SLIT2: variants seen among roughly 807,000 people sequenced by gnomAD.
SLIT2 encodes slit homolog 2 protein.
A neutral mutation model predicts 185.7 loss-of-function variants in SLIT2; 41 were observed. That is an observed-to-expected ratio of 0.22 (90% confidence interval 0.17 to 0.29). SLIT2 has a LOEUF of 0.29. SLIT2 is among the 10% of genes least tolerant of loss of function. The probability of loss-of-function intolerance (pLI) is 1.00; values close to 1 mark genes in which losing one functional copy is unlikely to be tolerated. For missense variants in SLIT2, 1,571 were observed against 1,909.0 expected, an observed-to-expected ratio of 0.82 and a Z score of 3.30; for synonymous variants, 693 against 680.2, an observed-to-expected ratio of 1.02 and a Z score of -0.29.
rs116490680 is a variant in SLIT2 at position 20,561,220 on chromosome 4, C to T, written c.2726-6042C>T. ...ACCTCATTACTTCATTTGTAAAGGCCAGCTGAAGGATCAAAGAAACCTGAA... is the reference window on the plus strand; with the variant it reads ...ACCTCATTACTTCATTTGTAAAGGCTAGCTGAAGGATCAAAGAAACCTGAA... On this transcript the variant is annotated intron_variant, in intron 26 of 36. Coordinates refer to ENST00000504154, the MANE Select transcript of SLIT2 (RefSeq NM_004787.4). Among the ~76,000 whole-genome samples, 1,317 of 151,786 alleles carry T rather than the reference C, an allele frequency of 8.7e-3. 28 individuals carry two copies. The highest frequency in any genetic ancestry group is 0.03 in the African/African-American group (1,229 of 41,382).
chr4:20,577,111 T>G (rs1250532906), intron 29 of SLIT2, among the ~76,000 whole-genome samples: 1 of 152,164 alleles, frequency 6.6e-6, no homozygotes, highest in Admixed American at 6.5e-5. Flanking sequence ...AAAAACTCTT[T>G]GGCTTTGATT....
At chr4:20,302,856 T>C (rs1277232476) in intron 4 of SLIT2, among the ~76,000 whole-genome samples, 1 of 152,204 alleles carries the variant, frequency 6.6e-6, no homozygotes, top group Non-Finnish European at 1.5e-5. Flanking sequence ...CAGTTGTTTG[T>C]ATCTGATTGT....
chr4:20,366,486 TTGCCCAGAAGTAGATGA>T (rs1207767399), intron 4 of SLIT2, among the ~76,000 whole-genome samples: 1 of 152,156 alleles, frequency 6.6e-6, no homozygotes, highest in Non-Finnish European at 1.5e-5. Context: ...TCCATTCTAG[TTGCCCAGAAGTAGATGA>T]GGCAGTGTAT....
At chr4:20,505,645 T>C (rs1017460973) in intron 9 of SLIT2, among the ~76,000 whole-genome samples, 5 of 152,018 alleles carry the variant, frequency 3.3e-5, no homozygotes, top group Non-Finnish European at 7.4e-5. Context: ...AAACCATTAG[T>C]TTATTTTATG....
At chr4:20,565,347 A>G (rs1181156259) in intron 26 of SLIT2, among the ~76,000 whole-genome samples, 1 of 151,980 alleles carries the variant, frequency 6.6e-6, no homozygotes, top group South Asian at 2.1e-4. Context: ...GTTCTGAGTT[A>G]GGTTCTTTCC....
At chr4:20,263,939 A>G (rs1198689666) in intron 3 of SLIT2, among the ~76,000 whole-genome samples, 1 of 151,838 alleles carries the variant, frequency 6.6e-6, no homozygotes, top group East Asian at 1.9e-4. Context: ...ACATTTTTAA[A>G]AAATGTTCTT....
At position 20,439,552 on chromosome 4, in the gene SLIT2, C is replaced by T. The variant is rs144521697; in HGVS notation, c.396-28200C>T. Among the ~76,000 whole-genome samples the T allele has an allele frequency of 1.0e-2, 1,519 of 152,190 alleles. 26 individuals are homozygous for T. The highest frequency in any genetic ancestry group is 0.035 in the African/African-American group (1,454 of 41,504). On this transcript the variant is annotated intron_variant, in intron 4 of 36. Transcript: ENST00000504154. ...GAATTATCCCATTTTATAAGGACAC[C>T]GATAATATCGGATTAAGGCCCACCC...
At chr4:20,338,422 T>C (rs560829570) in intron 4 of SLIT2, among the ~76,000 whole-genome samples, 1 of 152,298 alleles carries the variant, frequency 6.6e-6, no homozygotes, top group South Asian at 2.1e-4. Flanking sequence ...AAATGACGCT[T>C]TGATGTTAGC....
chr4:20,548,031 G>C (rs574249716), intron 22 of SLIT2, among the ~76,000 whole-genome samples: 1 of 152,158 alleles, frequency 6.6e-6, no homozygotes, highest in East Asian at 1.9e-4. Flanking sequence ...GTGAACATAT[G>C]TATCAATGAG....
At chr4:20,364,046 C>T (rs1446786498) in intron 4 of SLIT2, among the ~76,000 whole-genome samples, 1 of 152,046 alleles carries the variant, frequency 6.6e-6, no homozygotes, top group Non-Finnish European at 1.5e-5. Context: ...ATCAGAAAGG[C>T]CATCTACAAT....
chr4:20,323,945 A>G (rs1719321519), intron 4 of SLIT2, among the ~76,000 whole-genome samples: 1 of 152,232 alleles, frequency 6.6e-6, no homozygotes, highest in African/African-American at 2.4e-5. Flanking sequence ...AGTTCATAAC[A>G]TGATCCTGAA....
intron 11 of SLIT2, among the ~76,000 whole-genome samples, chr4:20,511,921 T>C (rs1719792283): frequency 6.6e-6 from 1 of 151,862 alleles, no homozygotes; most frequent in Non-Finnish European, 1.5e-5. Flanking sequence ...GCTTTTAATC[T>C]CTCAAAGAAC....
At chr4:20,592,945 G>A (rs1356857180) in intron 30 of SLIT2, among the ~76,000 whole-genome samples, 1 of 152,120 alleles carries the variant, frequency 6.6e-6, no homozygotes, top group African/African-American at 2.4e-5. Context: ...GCTACTCTTA[G>A]AGGCTATATA....
chr4:20,314,058 A>G (rs533537372), intron 4 of SLIT2, among the ~76,000 whole-genome samples: 116 of 152,336 alleles, frequency 7.6e-4, no homozygotes, highest in African/African-American at 2.7e-3. Flanking sequence ...TTAAATTTGT[A>G]CATTAGGTAA....
Position 20,389,442 on chromosome 4 carries a change from A to G in SLIT2, c.396-78310A>G, listed in dbSNP as rs182142277. On this transcript the variant is annotated intron_variant, in intron 4 of 36. Transcript: ENST00000504154. ...GACATGATAACTAGATAGAGTGGCTATCTCTTCTGGAGTGAACACAACGTG... is the reference window on the plus strand; with the variant it reads ...GACATGATAACTAGATAGAGTGGCTGTCTCTTCTGGAGTGAACACAACGTG... Among the ~76,000 whole-genome samples the G allele has an allele frequency of 4.9e-3, 742 of 152,130 alleles. 8 individuals are homozygous for G. The highest frequency in any genetic ancestry group is 0.016 in the African/African-American group (676 of 41,516).
intron 29 of SLIT2, among the ~76,000 whole-genome samples, chr4:20,584,135 T>G (rs540640539): frequency 6.6e-6 from 1 of 152,206 alleles, no homozygotes; most frequent in Non-Finnish European, 1.5e-5. Context: ...AAAAGGGATT[T>G]TTTTAGAGCC....
Position 20,303,695 on chromosome 4 carries a change from T to G in SLIT2, c.395+34814T>G, listed in dbSNP as rs571637704. 1.9e-4 allele frequency among the ~76,000 whole-genome samples: 29 copies of G among 152,348 alleles called. 1 individual carries two copies. In the East Asian group the frequency reaches 4.1e-3, roughly 21 times the overall value. ...GCTTAAGTCAGAGGTAGGATCACCG[T>G]CTGTGTAGACATATGTATGTGGTTT... is the stretch of plus-strand genomic sequence containing the variant. On this transcript the variant is annotated intron_variant, in intron 4 of 36. Coordinates refer to ENST00000504154, the MANE Select transcript of SLIT2 (RefSeq NM_004787.4).
At chr4:20,605,992 G>A (rs993153372) in intron 33 of SLIT2, among the ~76,000 whole-genome samples, 4 of 151,612 alleles carry the variant, frequency 2.6e-5, no homozygotes, top group African/African-American at 7.3e-5. Context: ...CAAGCAATCC[G>A]CCCATCTTGG....
intron 4 of SLIT2, among the ~76,000 whole-genome samples, chr4:20,425,950 C>A (rs1728526728): frequency 6.6e-6 from 1 of 152,182 alleles, no homozygotes; most frequent in South Asian, 2.1e-4. Context: ...CTCTTCTGTG[C>A]TATCCCTGAC....
Sources: gnomAD v4.1 joint callset for allele counts (sites outside exome capture counted in the v4.1 genomes callset) on GRCh38, gnomAD v4.1.1 for gene constraint, MANE v1.5 for transcripts, NCBI Gene and HGNC (gene_info 2026-07-23, HGNC 2026-07-21) for gene names.